The following CA10 variants were observed in gnomAD, a reference collection of about 807,000 sequenced individuals.
CA10 encodes the protein carbonic anhydrase-related protein 10.
In CA10, 14 loss-of-function variants were observed where a neutral mutation model predicts 44.2. The ratio of observed to expected loss-of-function variants is 0.32; its 90% CI spans 0.21 to 0.50. CA10 has a LOEUF of 0.50. CA10 is among the 20% of genes least tolerant of loss of function. CA10 has a pLI of 0.99. For missense variants in CA10, 350 were observed against 409.7 expected (o/e 0.85, Z 1.26); for synonymous variants, 159 against 141.6 (o/e 1.12, Z -0.87).
chr17:51,717,736 C>T (rs376609566), intron 4 of CA10, among the ~76,000 whole-genome samples: 2,451 of 20,740 alleles, frequency 0.12, 465 homozygotes, highest in East Asian at 0.16. Flanking sequence ...TACATATATA[C>T]GTATATATAC....
At position 51,931,089 on chromosome 17, in the gene CA10, G is replaced by A; in HGVS notation, c.180C>T (p.Cys60=). The A allele has an allele frequency of 6.2e-7, 1 of 1,613,568 alleles. No individual in the cohort carries two copies. The highest frequency in any genetic ancestry group is 8.5e-7 in the Non-Finnish European group (1 of 1,179,644). The change falls in exon 3 of 9, where the codon TGC becomes TGT. Residue 60 remains cysteine (C), a synonymous_variant. Coordinates refer to ENST00000451037, the MANE Select transcript of CA10 (RefSeq NM_020178.5). ...CTGGCGACTGCCGTTTCCCCACAGA[G>A]CAAAGATTCCAAGCTGAGTTCACCA... ...WGLVNSAWNL[C]SVGKRQSPVN...
At chr17:51,673,914 A>T (rs922992557) in intron 4 of CA10, among the ~76,000 whole-genome samples, 4 of 152,166 alleles carry the variant, frequency 2.6e-5, no homozygotes, top group African/African-American at 9.7e-5. Context: ...CATGGACCTG[A>T]CTGTTTGCAC....
At chr17:52,114,126 A>G (rs977177692) in intron 1 of CA10, among the ~76,000 whole-genome samples, 1 of 152,248 alleles carries the variant, frequency 6.6e-6, no homozygotes, top group Non-Finnish European at 1.5e-5. Flanking sequence ...AACATCTACA[A>G]GTGAGTCTCC....
At chr17:52,145,107 G>A (rs977536441) in intron 1 of CA10, among the ~76,000 whole-genome samples, 1 of 152,160 alleles carries the variant, frequency 6.6e-6, no homozygotes, top group Non-Finnish European at 1.5e-5. Flanking sequence ...CGTTGCACTA[G>A]AGGGTGACAA....
intron 3 of CA10, among the ~76,000 whole-genome samples, chr17:51,893,589 AACT>A (rs1405099151): frequency 1.3e-5 from 2 of 152,226 alleles, no homozygotes; most frequent in Non-Finnish European, 2.9e-5. Context: ...TTCTCTAGCC[AACT>A]ACTGAGTGAG....
chr17:52,112,495 T>C (rs550684351), intron 1 of CA10, among the ~76,000 whole-genome samples: 1 of 152,326 alleles, frequency 6.6e-6, no homozygotes, highest in African/African-American at 2.4e-5. Context: ...AAAAAATAGT[T>C]ATATTTGGCC....
chr17:51,658,625 G>A (rs764570868), intron 4 of CA10, among the ~76,000 whole-genome samples: 4 of 152,158 alleles, frequency 2.6e-5, no homozygotes, highest in Non-Finnish European at 5.9e-5. Flanking sequence ...AAGGATGAAG[G>A]TGGCTCAAGA....
At chr17:51,741,451 T>C (rs1904456674) in intron 4 of CA10, among the ~76,000 whole-genome samples, 1 of 152,234 alleles carries the variant, frequency 6.6e-6, no homozygotes, top group Non-Finnish European at 1.5e-5. Flanking sequence ...TCTAATGGAA[T>C]TTAATGCTTT....
chr17:51,898,527 C>A (rs1055427681), intron 3 of CA10, among the ~76,000 whole-genome samples: 8 of 151,894 alleles, frequency 5.3e-5, no homozygotes, highest in African/African-American at 1.7e-4. Context: ...TTTGTTGTGC[C>A]TCTTCCTGTT....
At chr17:51,708,597 A>G (rs935387098) in intron 4 of CA10, among the ~76,000 whole-genome samples, 2 of 152,162 alleles carry the variant, frequency 1.3e-5, no homozygotes, top group African/African-American at 4.8e-5. Flanking sequence ...GGAAGGATGC[A>G]AAGTATTTTT....
intron 3 of CA10, among the ~76,000 whole-genome samples, chr17:51,897,737 C>T (rs1981134388): frequency 6.6e-6 from 1 of 152,064 alleles, no homozygotes; most frequent in South Asian, 2.1e-4. Context: ...TCTCTGATTT[C>T]CTTGAGAAGT....
At chr17:52,123,410 A>G (rs1399762901) in intron 1 of CA10, among the ~76,000 whole-genome samples, 1 of 126,474 alleles carries the variant, frequency 7.9e-6, no homozygotes, top group African/African-American at 3.8e-5. Context: ...TTTTCATTTA[A>G]AAGTTGAAAA....
intron 3 of CA10, among the ~76,000 whole-genome samples, chr17:51,834,707 C>T (rs1280429812): frequency 6.6e-5 from 10 of 152,176 alleles, no homozygotes; most frequent in Admixed American, 5.9e-4. Context: ...CCATACTTCT[C>T]CACTTACTGT....
intron 3 of CA10, among the ~76,000 whole-genome samples, chr17:51,773,817 C>G (rs1178774640): frequency 6.6e-6 from 1 of 152,170 alleles, no homozygotes; most frequent in Non-Finnish European, 1.5e-5. Context: ...TTCCTTCCTG[C>G]TTTCAGAACT....
chr17:51,878,865 TATATATATATATATATATATA>T lies in CA10; in HGVS notation c.279+52104_279+52124del, dbSNP rs1980217606. Among the ~76,000 whole-genome samples the T allele has an allele frequency of 9.7e-4, 25 of 25,648 alleles. 2 individuals are homozygous for T. Among genetic ancestry groups the T allele is most frequent in the African/African-American group, 2.3e-3 (12 of 5,184 alleles). The allele number at this position is 25,648 out of a possible 152,430, so 16.8% of individuals were successfully genotyped here. A position where few individuals can be genotyped will look rare whatever the true frequency, so the allele number is the denominator to read the frequency against. On this transcript the variant is annotated intron_variant, in intron 3 of 8. Coordinates refer to ENST00000451037, the MANE Select transcript of CA10 (RefSeq NM_020178.5). ...ATATATATATATATATATATATATA[TATATATATATATATATATATA>T]TATATGGGTGTGTGTGTGTGTGTGT...
intron 3 of CA10, among the ~76,000 whole-genome samples, chr17:51,842,676 A>G (rs943393881): frequency 2.0e-5 from 3 of 152,200 alleles, no homozygotes; most frequent in African/African-American, 4.8e-5. Flanking sequence ...AGAAATATGT[A>G]TAACTGATCA....
intron 3 of CA10, among the ~76,000 whole-genome samples, chr17:51,752,979 T>G (rs1904944853): frequency 6.6e-6 from 1 of 152,110 alleles, no homozygotes; most frequent in Non-Finnish European, 1.5e-5. Flanking sequence ...TGTTGGGGAT[T>G]TTCATTTCTT....
chr17:52,020,775 CAATA>C (rs1182228192), intron 2 of CA10, among the ~76,000 whole-genome samples: 3 of 151,896 alleles, frequency 2.0e-5, no homozygotes, highest in Non-Finnish European at 4.4e-5. Context: ...ACATAGTACC[CAATA>C]AATAGTTTTT....
intron 4 of CA10, among the ~76,000 whole-genome samples, chr17:51,695,372 A>G (rs772597196): frequency 2.0e-5 from 3 of 151,896 alleles, no homozygotes; most frequent in Non-Finnish European, 4.4e-5. Context: ...TTCTCCTTGT[A>G]GAGATCTTTC....
Sources: gnomAD v4.1 joint callset for allele counts (sites outside exome capture counted in the v4.1 genomes callset) on GRCh38, gnomAD v4.1.1 for gene constraint, MANE v1.5 for transcripts, NCBI Gene and HGNC (gene_info 2026-07-23, HGNC 2026-07-21) for gene names.